DMRT1: variants seen among roughly 807,000 people sequenced by gnomAD.
DMRT1 encodes doublesex- and mab-3-related transcription factor 1.
In DMRT1, 7 loss-of-function variants were observed where a neutral mutation model predicts 32.3. That is an observed-to-expected ratio of 0.22 (90% CI 0.12 to 0.41). The LOEUF (loss-of-function observed/expected upper bound fraction) is 0.41. Among genes scored for constraint, DMRT1 ranks in the 10% least tolerant of loss-of-function variants. DMRT1 has a pLI of 1.00. For synonymous variants in DMRT1, 278 were observed against 206.1 expected, an observed-to-expected ratio of 1.35 and a Z score of -2.99; for missense variants, 625 against 500.5, an observed-to-expected ratio of 1.25 and a Z score of -2.37.
At chr9:879,943 T>C (rs1039121091) in intron 2 of DMRT1, among the ~76,000 whole-genome samples, 3 of 152,358 alleles carry the variant, frequency 2.0e-5, no homozygotes, top group Middle Eastern at 3.4e-3. Flanking sequence ...CTGCTGATCT[T>C]GTTAGAATAA....
chr9:933,749 A>G (rs550239803), intron 4 of DMRT1, among the ~76,000 whole-genome samples: 6 of 152,334 alleles, frequency 3.9e-5, no homozygotes, highest in Admixed American at 3.3e-4. Flanking sequence ...ATCGTATTGG[A>G]TAGTGCAGAA....
chr9:863,413 C>T (rs539623257), intron 2 of DMRT1, among the ~76,000 whole-genome samples: 4 of 151,878 alleles, frequency 2.6e-5, no homozygotes, highest in East Asian at 3.9e-4. Context: ...GGAGAGTTTC[C>T]AGGCTTGACA....
intron 4 of DMRT1, among the ~76,000 whole-genome samples, chr9:941,922 A>G (rs1333643098): frequency 6.6e-6 from 1 of 152,120 alleles, no homozygotes; most frequent in Non-Finnish European, 1.5e-5. Flanking sequence ...ACATTGCTGG[A>G]TTCAGGTTGT....
intron 2 of DMRT1, among the ~76,000 whole-genome samples, chr9:856,886 A>C (rs966068366): frequency 3.9e-5 from 6 of 152,242 alleles, no homozygotes; most frequent in African/African-American, 1.4e-4. Context: ...ATTGAAACTA[A>C]GTTTTTTTAA....
chr9:862,646 A>G (rs1163406804), intron 2 of DMRT1, among the ~76,000 whole-genome samples: 1 of 152,094 alleles, frequency 6.6e-6, no homozygotes, highest in East Asian at 1.9e-4. Flanking sequence ...GGTGAAAGGG[A>G]GAGCTGCTTA....
chr9:883,496 C>G (rs951168559), intron 2 of DMRT1, among the ~76,000 whole-genome samples: 7 of 151,868 alleles, frequency 4.6e-5, no homozygotes, highest in African/African-American at 1.7e-4. Flanking sequence ...ACTCCCCCGA[C>G]CCCCAAAAGG....
chr9:897,806 A>T (rs1411577087), intron 3 of DMRT1, among the ~76,000 whole-genome samples: 1 of 152,166 alleles, frequency 6.6e-6, no homozygotes, highest in Non-Finnish European at 1.5e-5. Flanking sequence ...TCCCCTTTGT[A>T]GCAAGATAGG....
At chr9:848,425 G>T (rs1256777827) in intron 2 of DMRT1, among the ~76,000 whole-genome samples, 2 of 152,066 alleles carry the variant, frequency 1.3e-5, no homozygotes, top group Non-Finnish European at 2.9e-5. Flanking sequence ...GTCTGTGTCT[G>T]TCTTTGTGTA....
At position 864,784 on chromosome 9, in the gene DMRT1, G is replaced by A. The variant is rs1361579340; in HGVS notation, c.538+17641G>A. Among the ~76,000 whole-genome samples, 5 of 152,160 alleles carry A rather than the reference G, an allele frequency of 3.3e-5. No homozygotes were observed. The East Asian group carries it at 5.8e-4, about 18-fold the overall frequency. ...CAAAGTGCTGGGATTACAGGCGTGAGCCACCGTGCCCGCCAGCCAGTATTC... is the reference window on the plus strand; with the variant it reads ...CAAAGTGCTGGGATTACAGGCGTGAACCACCGTGCCCGCCAGCCAGTATTC... On this transcript the variant is annotated intron_variant, in intron 2 of 4. Coordinates refer to ENST00000382276, the MANE Select transcript of DMRT1 (RefSeq NM_021951.3).
intron 2 of DMRT1, among the ~76,000 whole-genome samples, chr9:886,807 C>T (rs762610181): frequency 1.3e-5 from 2 of 152,172 alleles, no homozygotes; most frequent in Non-Finnish European, 2.9e-5. Flanking sequence ...TTTGCTGACA[C>T]CCCAGTGTTG....
At chr9:953,034 G>T (rs1217396642) in intron 4 of DMRT1, among the ~76,000 whole-genome samples, 4 of 152,170 alleles carry the variant, frequency 2.6e-5, no homozygotes, top group Non-Finnish European at 4.4e-5. Flanking sequence ...TTTGAAATGT[G>T]TAGAGACTTT....
At position 848,720 on chromosome 9, in the gene DMRT1, A is replaced by G. The variant is rs1334424251; in HGVS notation, c.538+1577A>G. On this transcript the variant is annotated intron_variant, in intron 2 of 4. Transcript: ENST00000382276. ...AGGCGCCCGCCACCACACCCGACTA[A>G]TTTTTGTATTTTTTAGTAAAGATGG... is the stretch of plus-strand genomic sequence containing the variant. Among the ~76,000 whole-genome samples the G allele has an allele frequency of 3.0e-4, 44 of 146,376 alleles. No individual in the cohort carries two copies. The Admixed American group carries it at 3.0e-3, about 10-fold the overall frequency.
In DMRT1 at chr9:965,670, C is replaced by G. The variant is rs1410455685; in HGVS notation, c.968-2315C>G. ...TCTGAACATGTTGGGAGAACACATA[C>G]CTATTCCTTTACAAGCCTCTGCATC... On this transcript the variant is annotated intron_variant, in intron 4 of 4. Transcript: ENST00000382276. The surrounding 1 kb of genome is among the most constrained non-coding windows in gnomAD (Gnocchi z 4.5). Among the ~76,000 whole-genome samples, 1 of 152,212 alleles carries G rather than the reference C, an allele frequency of 6.6e-6. No homozygotes were observed. The highest frequency in any genetic ancestry group is 1.5e-5 in the Non-Finnish European group (1 of 68,046).
intron 4 of DMRT1, among the ~76,000 whole-genome samples, chr9:944,492 C>T (rs1819178647): frequency 6.6e-6 from 1 of 152,156 alleles, no homozygotes; most frequent in Admixed American, 6.5e-5. Context: ...TGATAAATAA[C>T]ATGGTAAAAT....
At chr9:854,631 C>A (rs1815310099) in intron 2 of DMRT1, among the ~76,000 whole-genome samples, 2 of 151,962 alleles carry the variant, frequency 1.3e-5, no homozygotes, top group African/African-American at 4.8e-5. Context: ...GAAATGAGAT[C>A]CGTTTGATTT....
At chr9:941,084 T>G (rs987213176) in intron 4 of DMRT1, among the ~76,000 whole-genome samples, 1 of 152,190 alleles carries the variant, frequency 6.6e-6, no homozygotes, top group Admixed American at 6.5e-5. Flanking sequence ...TTGGTGGGAA[T>G]GTGAAGTGCT....
chr9:935,209 A>C (rs1818846888), intron 4 of DMRT1, among the ~76,000 whole-genome samples: 1 of 152,192 alleles, frequency 6.6e-6, no homozygotes, highest in East Asian at 1.9e-4. Context: ...GCTTATATGT[A>C]AGAGATGGTA....
intron 2 of DMRT1, among the ~76,000 whole-genome samples, chr9:858,145 T>G (rs950573901): frequency 6.6e-6 from 1 of 152,186 alleles, no homozygotes; most frequent in Non-Finnish European, 1.5e-5. Context: ...ACTGTCACTC[T>G]TCTGGGGAGT....
rs536058452 is a variant in DMRT1, at chr9:949,017, C to T, written c.968-18968C>T. ...CTGAAGTAGGAGAATCACTTGAATC[C>T]GGGAGGCAGAGGTTGTGGTGAGCTG... On this transcript the variant is annotated intron_variant, in intron 4 of 4. Transcript: ENST00000382276. 6.6e-5 allele frequency among the ~76,000 whole-genome samples: 10 copies of T among 151,682 alleles called. No individual in the cohort carries two copies. The East Asian group carries it at 9.7e-4, about 15-fold the overall frequency.
Sources: gnomAD v4.1 joint callset for allele counts (sites outside exome capture counted in the v4.1 genomes callset) on GRCh38, gnomAD v4.1.1 for gene constraint, Gnocchi (gnomAD v3.1) non-coding constraint, MANE v1.5 for transcripts, NCBI Gene and HGNC (gene_info 2026-07-23, HGNC 2026-07-21) for gene names.